CACNA1A: variants seen among roughly 807,000 people sequenced by gnomAD.
CACNA1A encodes voltage-dependent P/Q-type calcium channel subunit alpha-1A.
Under a neutral mutation model 262.4 loss-of-function variants are expected in CACNA1A, and 57 were observed. The observed-to-expected ratio is 0.22, with a 90% CI of 0.18 to 0.27. CACNA1A has a LOEUF of 0.27. Ranked by LOEUF, CACNA1A falls within the 10% of genes least tolerant of loss-of-function variation. The probability of loss-of-function intolerance (pLI) is 1.00; values close to 1 mark genes in which losing one functional copy is unlikely to be tolerated. For missense variants in CACNA1A, 2,526 were observed against 3,562.8 expected (o/e 0.71, Z 7.41); for synonymous variants, 1,431 against 1,419.3 (o/e 1.01, Z -0.18).
At chr19:13,375,444 TTTAAA>T (rs2059389091) in intron 3 of CACNA1A, among the ~76,000 whole-genome samples, 3 of 152,096 alleles carry the variant, frequency 2.0e-5, no homozygotes, top group African/African-American at 7.2e-5. Flanking sequence ...CGTCTCTCAC[TTTAAA>T]TTAAAAGCTA....
chr19:13,320,249 A>T (rs1004880280), intron 10 of CACNA1A, among the ~76,000 whole-genome samples: 2 of 151,092 alleles, frequency 1.3e-5, no homozygotes, highest in African/African-American at 4.9e-5. Flanking sequence ...AGAGAGAGAG[A>T]GAGAGAGAGA....
chr19:13,482,911 TCTCTCTCTGTCTCTGC>T (rs754254998), intron 1 of CACNA1A, among the ~76,000 whole-genome samples: 1 of 151,308 alleles, frequency 6.6e-6, no homozygotes, highest in Non-Finnish European at 1.5e-5. Context: ...TGAGTCTCAG[TCTCTCTCTGTCTCTGC>T]CTCCTTCCTC....
intron 1 of CACNA1A, among the ~76,000 whole-genome samples, chr19:13,491,196 A>G (rs1459618971): frequency 2.0e-5 from 3 of 152,130 alleles, no homozygotes; most frequent in African/African-American, 7.2e-5. Context: ...CCTGTCTCAT[A>G]AAGTTTCTCC....
chr19:13,394,227 C>T (rs1353088303), intron 3 of CACNA1A, among the ~76,000 whole-genome samples: 1 of 152,098 alleles, frequency 6.6e-6, no homozygotes, highest in Non-Finnish European at 1.5e-5. Flanking sequence ...GGGGTCACTG[C>T]TTCGAGTTCA....
intron 17 of CACNA1A, among the ~76,000 whole-genome samples, chr19:13,301,786 G>A (rs1449406066): frequency 1.3e-5 from 2 of 152,192 alleles, no homozygotes; most frequent in African/African-American, 4.8e-5. Flanking sequence ...TCACTGGAAC[G>A]GGGAGCAACC....
rs796223738 is a variant in CACNA1A at position 13,240,623 on chromosome 19, A to T, written c.4950+4559T>A. 1.0e-4 allele frequency among the ~76,000 whole-genome samples: 15 copies of T among 144,128 alleles called. No homozygotes were observed. In the South Asian group the frequency reaches 1.3e-3, roughly 13 times the overall value. 94.6% of individuals were successfully genotyped at this position (144,128 alleles called of 152,430 possible). ...GTGTGCGCAGTGATTGTGTGTGTGC[A>T]GTGTGTGTGCAGTGTCTGCGCAGTG... is the stretch of plus-strand genomic sequence containing the variant. On this transcript the variant is annotated intron_variant, in intron 31 of 46. Coordinates refer to ENST00000360228, the MANE Select transcript of CACNA1A (RefSeq NM_001127222.2).
chr19:13,342,152 G>T (rs777050111), intron 6 of CACNA1A, among the ~76,000 whole-genome samples: 1 of 151,364 alleles, frequency 6.6e-6, no homozygotes, highest in Non-Finnish European at 1.5e-5. Context: ...AATTCCCAGG[G>T]AAGAAGGTGG....
intron 1 of CACNA1A, among the ~76,000 whole-genome samples, chr19:13,485,918 A>G (rs541173806): frequency 6.6e-6 from 1 of 152,342 alleles, no homozygotes; most frequent in African/African-American, 2.4e-5. Flanking sequence ...TAAACAACCA[A>G]CAAAGCTGCT....
intron 1 of CACNA1A, among the ~76,000 whole-genome samples, chr19:13,488,784 G>A (rs905476199): frequency 6.6e-6 from 1 of 151,948 alleles, no homozygotes; most frequent in Non-Finnish European, 1.5e-5. Context: ...TTGGGATTGA[G>A]CAGGTCTGGG....
chr19:13,255,705 T>TTCCC (rs370544383), intron 28 of CACNA1A, among the ~76,000 whole-genome samples: 2 of 31,908 alleles, frequency 6.3e-5, no homozygotes, highest in African/African-American at 1.2e-4. Flanking sequence ...CCCTCCTTCC[T>TTCCC]TCCCTCCCTC....
At chr19:13,417,011 C>T (rs776425568) in intron 3 of CACNA1A, among the ~76,000 whole-genome samples, 16 of 152,098 alleles carry the variant, frequency 1.1e-4, no homozygotes, top group Non-Finnish European at 2.4e-4. Context: ...CAATTGGTGA[C>T]CGAATTGCAC....
intron 43 of CACNA1A, 123 bp downstream of exon 43, chr19:13,211,980 G>T (rs1600087992): frequency 1.5e-6 from 1 of 664,000 alleles, no homozygotes; most frequent in East Asian, 2.7e-5. Context: ...AGAGACTGAA[G>T]GAGTCCCTAC....
intron 19 of CACNA1A, among the ~76,000 whole-genome samples, chr19:13,297,700 C>T (rs534028796): frequency 2.0e-5 from 3 of 152,244 alleles, no homozygotes; most frequent in African/African-American, 7.2e-5. Context: ...GTCTGTGGTC[C>T]CAGCTACTTG....
At position 13,317,052 on chromosome 19, in the gene CACNA1A, GA is replaced by G. The variant is rs1194483122; in HGVS notation, c.1555+59del. Reference sequence around the variant, plus strand: ...ACATACTACCAGAGAAAGAGAAGTGGAAAAAGGGTGTGAGGGAGGGATCAGG... The same window carrying G: ...ACATACTACCAGAGAAAGAGAAGTGGAAAAGGGTGTGAGGGAGGGATCAGG... On this transcript the variant is annotated intron_variant, in intron 11 of 46. Transcript: ENST00000360228. 33 of 1,103,750 alleles carry G rather than the reference GA, an allele frequency of 3.0e-5. No individual in the cohort carries two copies. The Admixed American group carries it at 3.4e-4, about 11-fold the overall frequency. The allele number at this position is 1,103,750 out of a possible 1,614,324, so 68.4% of individuals were successfully genotyped here. A position where few individuals can be genotyped will look rare whatever the true frequency, so the allele number is the denominator to read the frequency against.
rs540518337 is a variant in CACNA1A at position 13,376,479 on chromosome 19, G to A, written c.540-4700C>T. Among the ~76,000 whole-genome samples the A allele has an allele frequency of 1.3e-4, 19 of 151,634 alleles. 1 individual carries two copies. The highest frequency in any genetic ancestry group is 2.7e-4 in the African/African-American group (11 of 41,342). ...AACAATGAAGACTGAATGACAGCCC[G>A]TCTGTTTATAGCATGGATAACTGAT... On this transcript the variant is annotated intron_variant, in intron 3 of 46. Transcript: ENST00000360228.
At position 13,286,866 on chromosome 19, in the gene CACNA1A, C is replaced by A. The variant is rs765452604; in HGVS notation, c.3190G>T (p.Asp1064Tyr). 2 of 1,613,716 alleles carry A rather than the reference C, an allele frequency of 1.2e-6. No individual in the cohort carries two copies. The highest frequency in any genetic ancestry group is 2.2e-5 in the South Asian group (2 of 91,072). ...TTGTTGTTCTTCATGTTGTCAATAT[C>A]CTCTGCCAGGGGTGGGTCTTGGCGG... ...LGRQDPPLAE[D>Y]IDNMKNNKLA... is the part of the protein sequence containing the mutation. The change falls in exon 20 of 47, where the codon GAT (aspartate) becomes TAT (tyrosine). Residue 1064 changes from aspartate to tyrosine, a missense_variant. Asp to Tyr is a radical substitution (Grantham distance 160). Transcript: ENST00000360228.
intron 19 of CACNA1A, among the ~76,000 whole-genome samples, chr19:13,296,079 G>A (rs943700481): frequency 2.6e-5 from 4 of 152,166 alleles, no homozygotes; most frequent in African/African-American, 9.7e-5. Context: ...GTACATATCA[G>A]AATTACTTCA....
intron 1 of CACNA1A, among the ~76,000 whole-genome samples, chr19:13,497,227 G>T (rs559794177): frequency 6.6e-6 from 1 of 151,912 alleles, no homozygotes; most frequent in East Asian, 1.9e-4. Context: ...CATAAATGCT[G>T]ATGAATCTCA....
At chr19:13,471,875 G>C (rs911456540) in intron 1 of CACNA1A, among the ~76,000 whole-genome samples, 1 of 152,176 alleles carries the variant, frequency 6.6e-6, no homozygotes, top group African/African-American at 2.4e-5. Flanking sequence ...GAAAGAGGTG[G>C]AGGTTGTACA....
Sources: gnomAD v4.1 joint callset for allele counts (sites outside exome capture counted in the v4.1 genomes callset) on GRCh38, gnomAD v4.1.1 for gene constraint, MANE v1.5 for transcripts, NCBI Gene and HGNC (gene_info 2026-07-23, HGNC 2026-07-21) for gene names.